TBC1D5: variants seen among roughly 807,000 people sequenced by gnomAD.
The protein encoded by TBC1D5 is TBC1 domain family member 5, also known as TBC1 domain family, member 5.
Under a neutral mutation model 100.3 loss-of-function variants are expected in TBC1D5, and 75 were observed. The observed-to-expected ratio is 0.75, with a 90% CI of 0.62 to 0.91. The LOEUF is 0.91. Among genes scored for constraint, TBC1D5 ranks in the 40% least tolerant of loss-of-function variants. The probability of loss-of-function intolerance (pLI) is 0.00; values close to 1 mark genes in which losing one functional copy is unlikely to be tolerated. For missense variants in TBC1D5, 910 were observed against 942.4 expected (o/e 0.97, Z 0.45); for synonymous variants, 323 against 325.6 (o/e 0.99, Z 0.09).
intron 3 of TBC1D5, among the ~76,000 whole-genome samples, chr3:17,507,544 A>C (rs2095856792): frequency 6.6e-6 from 1 of 152,220 alleles, no homozygotes; most frequent in Non-Finnish European, 1.5e-5. Flanking sequence ...AATTCTCAAA[A>C]CATGAGTTAA....
Position 17,401,972 on chromosome 3 carries a change from G to A in TBC1D5, c.509+1209C>T, listed in dbSNP as rs892538477. On this transcript the variant is annotated intron_variant, in intron 8 of 21. Coordinates refer to ENST00000253692, the Ensembl canonical transcript of TBC1D5. The stretch of plus-strand genomic sequence containing the variant: ...TGCACCTATATACTAGGGAGACCAA[G>A]CACTATCACCCATACCTCTGAGAGT... 2.6e-5 allele frequency among the ~76,000 whole-genome samples: 4 copies of A among 151,988 alleles called. No homozygotes were observed. The South Asian group carries it at 8.3e-4, about 32-fold the overall frequency.
At chr3:17,707,929 C>G (rs2074338672) in intron 1 of TBC1D5, among the ~76,000 whole-genome samples, 1 of 152,168 alleles carries the variant, frequency 6.6e-6, no homozygotes. Context: ...TTACAAACAT[C>G]TGTGTTCCCA....
chr3:17,705,936 C>T, intron 1 of TBC1D5: 9 of 1,181,200 alleles, frequency 7.6e-6, no homozygotes, highest in Middle Eastern at 2.9e-4. Flanking sequence ...CCCGTCCGCT[C>T]CTCCAGCCGC....
chr3:17,482,095 C>A (rs557468209), intron 3 of TBC1D5, among the ~76,000 whole-genome samples: 2 of 152,272 alleles, frequency 1.3e-5, no homozygotes, highest in East Asian at 3.9e-4. Context: ...TAAATAAACG[C>A]CTTCAGAACA....
At position 17,185,223 on chromosome 3, in the gene TBC1D5, T is replaced by A; in HGVS notation, c.1753-15A>T. 6.2e-7 allele frequency: 1 copy of A among 1,604,570 alleles called. No individual in the cohort carries two copies. Among genetic ancestry groups the A allele is most frequent in the Non-Finnish European group, 8.5e-7 (1 of 1,172,904 alleles). On this transcript the variant is annotated splice_polypyrimidine_tract_variant and intron_variant, in intron 18 of 21. Transcript: ENST00000253692. ...AATTCTTCTTCCTAAAATAAAGGGATAAACATATGGAAATTTTTTAGAGAT... is the reference window on the plus strand; with the variant it reads ...AATTCTTCTTCCTAAAATAAAGGGAAAAACATATGGAAATTTTTTAGAGAT...
At chr3:17,428,498 C>A in exon 4 of TBC1D5, 1 of 1,509,494 alleles carries the variant, frequency 6.6e-7, no homozygotes, top group Non-Finnish European at 8.9e-7. Context: ...ACTTGTTCTT[C>A]TTCCATTTTT....
intron 1 of TBC1D5, among the ~76,000 whole-genome samples, chr3:17,719,678 TATC>T (rs1349759263): frequency 2.0e-5 from 3 of 152,168 alleles, no homozygotes; most frequent in African/African-American, 7.2e-5. Flanking sequence ...AATCAAAAAA[TATC>T]ATTTTCAAAA....
At chr3:17,498,249 A>C (rs918042246) in intron 3 of TBC1D5, among the ~76,000 whole-genome samples, 4 of 152,136 alleles carry the variant, frequency 2.6e-5, no homozygotes, top group African/African-American at 9.7e-5. Context: ...AAACTCCAGA[A>C]TAAAATACTA....
At chr3:17,379,626 GA>G (rs1196185186) in intron 9 of TBC1D5, among the ~76,000 whole-genome samples, 5 of 152,106 alleles carry the variant, frequency 3.3e-5, no homozygotes, top group African/African-American at 1.2e-4. Context: ...GCACAGAAAT[GA>G]CTATACAATA....
chr3:17,436,795 T>C (rs939419419), intron 3 of TBC1D5, among the ~76,000 whole-genome samples: 4 of 152,300 alleles, frequency 2.6e-5, no homozygotes, highest in Admixed American at 2.0e-4. Context: ...ACATGTATGA[T>C]AGTACATAGT....
At chr3:17,602,561 ATTTTTTTTT>A (rs33956978) in intron 2 of TBC1D5, among the ~76,000 whole-genome samples, 4 of 74,516 alleles carry the variant, frequency 5.4e-5, no homozygotes, top group South Asian at 4.7e-4. Flanking sequence ...AGAGAATCAG[ATTTTTTTTT>A]TTTTTTTTTT....
intron 2 of TBC1D5, among the ~76,000 whole-genome samples, chr3:17,587,584 C>A (rs1303379287): frequency 6.6e-6 from 1 of 151,888 alleles, no homozygotes; most frequent in African/African-American, 2.4e-5. Context: ...TAGATATACC[C>A]ATTTTATTGA....
chr3:17,404,655 A>G, intron 7 of TBC1D5, 39 bp downstream of exon 7: 1 of 1,535,450 alleles, frequency 6.5e-7, no homozygotes. Flanking sequence ...TATTCTTAGC[A>G]GCAAAAGAGG....
At chr3:17,596,547 T>C (rs2060581276) in intron 2 of TBC1D5, among the ~76,000 whole-genome samples, 2 of 151,624 alleles carry the variant, frequency 1.3e-5, no homozygotes, top group South Asian at 4.2e-4. Flanking sequence ...CTTGAACTCC[T>C]GACCTCGTGA....
chr3:17,621,325 C>T (rs991479040), intron 2 of TBC1D5, among the ~76,000 whole-genome samples: 3 of 152,188 alleles, frequency 2.0e-5, no homozygotes, highest in African/African-American at 7.2e-5. Context: ...AGCCAAGACC[C>T]AGTAGCAATC....
At chr3:17,680,661 C>T (rs1025017532) in intron 1 of TBC1D5, among the ~76,000 whole-genome samples, 1 of 151,070 alleles carries the variant, frequency 6.6e-6, no homozygotes, top group Non-Finnish European at 1.5e-5. Context: ...GTTGTTATTG[C>T]TATGTTGTTT....
intron 1 of TBC1D5, among the ~76,000 whole-genome samples, chr3:17,668,881 G>A (rs1368202225): frequency 6.6e-6 from 1 of 152,146 alleles, no homozygotes; most frequent in Non-Finnish European, 1.5e-5. Flanking sequence ...TAAATAGAGT[G>A]TGGAGGCAGT....
chr3:17,279,272 A>C (rs1008676217), intron 15 of TBC1D5, among the ~76,000 whole-genome samples: 2 of 152,200 alleles, frequency 1.3e-5, no homozygotes, highest in Non-Finnish European at 2.9e-5. Context: ...GACATCTCTC[A>C]GGTATTGTAA....
intron 1 of TBC1D5, chr3:17,706,060 G>A (rs569698645): frequency 1.3e-5 from 21 of 1,592,568 alleles, no homozygotes; most frequent in Middle Eastern, 2.3e-4. Flanking sequence ...GGAGCCTACT[G>A]ATTTCCCCCG....
Sources: allele counts gnomAD v4.1 joint callset (sites outside exome capture counted in the v4.1 genomes callset), GRCh38; gene constraint gnomAD v4.1.1; transcripts MANE v1.5; gene names NCBI Gene and HGNC (gene_info 2026-07-23, HGNC 2026-07-21).